NEBL: variants seen among roughly 807,000 people sequenced by gnomAD.
NEBL encodes the protein nebulette.
NEBL carries 122 observed loss-of-function variants against 140.2 expected under a neutral mutation model. That is an observed-to-expected ratio of 0.87 (90% CI 0.75 to 1.01). NEBL has a LOEUF of 1.01. Ranked by LOEUF, NEBL falls within the 50% of genes least tolerant of loss-of-function variation. The pLI is 0.00. For missense variants in NEBL, 1,365 were observed against 1,231.3 expected (o/e 1.11, Z -1.62); for synonymous variants, 436 against 398.9 (o/e 1.09, Z -1.11).
At chr10:21,118,624 GA>G (rs955053113) in intron 2 of NEBL, among the ~76,000 whole-genome samples, 32 of 147,718 alleles carry the variant, frequency 2.2e-4, no homozygotes, top group Middle Eastern at 3.4e-3. Flanking sequence ...TTTCTTTACT[GA>G]AAAAAAAAAC....
chr10:21,079,012 T>C (rs1331580514), intron 2 of NEBL, among the ~76,000 whole-genome samples: 1 of 152,206 alleles, frequency 6.6e-6, no homozygotes, highest in Non-Finnish European at 1.5e-5. Flanking sequence ...AATGTCTGTA[T>C]TTCTACCACC....
chr10:21,266,563 C>T (rs1842798869), intron 1 of NEBL, among the ~76,000 whole-genome samples: 1 of 152,260 alleles, frequency 6.6e-6, no homozygotes, highest in African/African-American at 2.4e-5. Flanking sequence ...GCATGAGGCT[C>T]TTCCCTCACC....
chr10:21,289,539 T>C (rs1220777468), intron 1 of NEBL, among the ~76,000 whole-genome samples: 1 of 152,202 alleles, frequency 6.6e-6, no homozygotes, highest in African/African-American at 2.4e-5. Flanking sequence ...CTGTGGACGT[T>C]GTCCCTTACT....
At chr10:21,025,603 G>C (rs897391413) in intron 2 of NEBL, among the ~76,000 whole-genome samples, 2 of 152,146 alleles carry the variant, frequency 1.3e-5, no homozygotes, top group African/African-American at 4.8e-5. Flanking sequence ...AACCTCCATG[G>C]AGATGGGAAT....
chr10:21,034,444 C>A (rs1196768967), intron 2 of NEBL, among the ~76,000 whole-genome samples: 1 of 152,156 alleles, frequency 6.6e-6, no homozygotes, highest in African/African-American at 2.4e-5. Flanking sequence ...CAGAAAAGAT[C>A]CAACATTCTT....
chr10:20,814,625 C>T (rs372995236), intron 22 of NEBL, among the ~76,000 whole-genome samples: 2 of 148,842 alleles, frequency 1.3e-5, no homozygotes, highest in African/African-American at 5.2e-5. Context: ...CATACACACA[C>T]ACACACACAC....
intron 3 of NEBL, among the ~76,000 whole-genome samples, chr10:20,968,043 C>T (rs963154572): frequency 2.0e-5 from 3 of 152,046 alleles, no homozygotes; most frequent in Non-Finnish European, 2.9e-5. Context: ...TCGTAAATGG[C>T]AGGTGAGCTA....
intron 4 of NEBL, among the ~76,000 whole-genome samples, chr10:20,960,619 T>C (rs1338526651): frequency 6.6e-6 from 1 of 152,088 alleles, no homozygotes; most frequent in Non-Finnish European, 1.5e-5. Flanking sequence ...TATACATAAT[T>C]CTATCTGCAA....
At chr10:20,792,123 G>GAAAAAAAAAAAAA (rs11286684) in intron 26 of NEBL, among the ~76,000 whole-genome samples, 2 of 106,756 alleles carry the variant, frequency 1.9e-5, no homozygotes, top group Non-Finnish European at 4.3e-5. Context: ...ATTCCAAATA[G>GAAAAAAAAAAAAA]AAAAAAAAAA....
chr10:21,116,526 G>T (rs1259180827), intron 2 of NEBL, among the ~76,000 whole-genome samples: 1 of 152,140 alleles, frequency 6.6e-6, no homozygotes, highest in African/African-American at 2.4e-5. Flanking sequence ...ATTTGGTAAA[G>T]ATGAGGAGGG....
intron 4 of NEBL, among the ~76,000 whole-genome samples, chr10:20,923,164 C>T (rs945950464): frequency 2.0e-5 from 3 of 152,058 alleles, no homozygotes; most frequent in African/African-American, 7.2e-5. Context: ...AATCTCCCAT[C>T]TCAATCGATC....
intron 2 of NEBL, among the ~76,000 whole-genome samples, chr10:21,162,415 C>T (rs867567153): frequency 5.9e-5 from 9 of 152,284 alleles, no homozygotes; most frequent in Middle Eastern, 3.4e-3. Context: ...GACCTAGGGA[C>T]TCCTGGGCTT....
In NEBL at chr10:20,835,713, A is replaced by T. The variant is rs1420883257; in HGVS notation, c.1339-90T>A. 3.3e-6 allele frequency: 3 copies of T among 915,974 alleles called. No homozygotes were observed. The African/African-American group carries it at 4.9e-5, about 15-fold the overall frequency. The allele number at this position is 915,974 out of a possible 1,614,324, so 56.7% of individuals were successfully genotyped here. A position where few individuals can be genotyped will look rare whatever the true frequency, so the allele number is the denominator to read the frequency against. On this transcript the variant is annotated intron_variant, in intron 13 of 27. Transcript: ENST00000377122. The stretch of plus-strand genomic sequence containing the variant: ...GATACTAAAAAAAAAATAGTTAGAC[A>T]TATTTTACAAAAGAGGTAACAAAGC...
At chr10:20,975,163 C>A (rs996977836) in intron 3 of NEBL, among the ~76,000 whole-genome samples, 1 of 152,054 alleles carries the variant, frequency 6.6e-6, no homozygotes, top group Non-Finnish European at 1.5e-5. Context: ...ACCTCAAGAG[C>A]CTATCATATT....
intron 2 of NEBL, among the ~76,000 whole-genome samples, chr10:21,124,353 A>G (rs1838716510): frequency 6.6e-6 from 1 of 152,262 alleles, no homozygotes. Flanking sequence ...ACGAAAAGAA[A>G]TCCAATACCA....
rs542269484 is a variant in NEBL, at chr10:20,862,757, CT to C, written c.685-2932del. Among the ~76,000 whole-genome samples, 78 of 152,308 alleles carry C rather than the reference CT, an allele frequency of 5.1e-4. 2 individuals are homozygous for C. The South Asian group carries it at 0.015, about 28-fold the overall frequency. On this transcript the variant is annotated intron_variant, in intron 7 of 27. Coordinates refer to ENST00000377122, the MANE Select transcript of NEBL (RefSeq NM_006393.3). ...GCCATGGTTTTAAGACACAATGTTA[CT>C]CCTTATACCTACATAATTATTCTGG...
chr10:20,862,509 G>A (rs1843820358), intron 7 of NEBL, among the ~76,000 whole-genome samples: 1 of 152,150 alleles, frequency 6.6e-6, no homozygotes, highest in African/African-American at 2.4e-5. Flanking sequence ...CTTCGGACTT[G>A]TTCACTCGCC....
chr10:20,808,040 G>T (rs980405808), intron 26 of NEBL, among the ~76,000 whole-genome samples: 1 of 149,936 alleles, frequency 6.7e-6, no homozygotes, highest in Admixed American at 6.7e-5. Context: ...TTTTGGCAAG[G>T]TCTAACTCTG....
chr10:21,291,192 G>A (rs1020240838), intron 1 of NEBL, among the ~76,000 whole-genome samples: 2 of 151,852 alleles, frequency 1.3e-5, no homozygotes, highest in Non-Finnish European at 2.9e-5. Context: ...GGGGGTGGGG[G>A]GAAGGTAAGG....
Sources: gnomAD v4.1 joint callset for allele counts (sites outside exome capture counted in the v4.1 genomes callset) on GRCh38, gnomAD v4.1.1 for gene constraint, MANE v1.5 for transcripts, NCBI Gene and HGNC (gene_info 2026-07-23, HGNC 2026-07-21) for gene names.